Variants in MPDZ observed in about 807,000 individuals in gnomAD.
MPDZ encodes the protein multiple PDZ domain protein.
Under a neutral mutation model 239.1 loss-of-function variants are expected in MPDZ, and 234 were observed. The observed-to-expected ratio is 0.98, with a 90% confidence interval of 0.88 to 1.09. The LOEUF (loss-of-function observed/expected upper bound fraction) is 1.09, where lower values mean the gene tolerates loss of function less well. MPDZ is among the 50% of genes least tolerant of loss of function. The pLI is 0.00. For synonymous variants in MPDZ, 1,048 were observed against 881.3 expected (o/e 1.19, Z -3.35); for missense variants, 3,175 against 2,510.0 (o/e 1.26, Z -5.66).
At chr9:13,226,610 G>A (rs924857578) in intron 3 of MPDZ, among the ~76,000 whole-genome samples, 5 of 152,004 alleles carry the variant, frequency 3.3e-5, no homozygotes, top group East Asian at 1.9e-4. Context: ...GTCCTCCTTC[G>A]CATTCCTATC....
intron 19 of MPDZ, 142 bp downstream of exon 19, chr9:13,183,276 A>G: frequency 1.6e-6 from 1 of 621,022 alleles, no homozygotes; most frequent in Non-Finnish European, 2.6e-6. Context: ...ATGAAATTGT[A>G]CTTTAATCCA....
In MPDZ at chr9:13,106,879, CA is replaced by C. The variant is rs1432006337; in HGVS notation, c.*85del. 6.9e-7 allele frequency: 1 copy of C among 1,454,878 alleles called. No homozygotes were observed. The highest frequency in any genetic ancestry group is 1.4e-5 in the African/African-American group (1 of 72,372). The allele number at this position is 1,454,878 out of a possible 1,614,324, so 90.1% of individuals were successfully genotyped here. ...ACAGTTTTGAAGACCCGGCTGAACA[CA>C]GCATAAAAATTGTCAGGACCAGTGC... On this transcript the variant is annotated 3_prime_UTR_variant, in exon 47 of 47. Transcript: ENST00000319217.
intron 26 of MPDZ, among the ~76,000 whole-genome samples, chr9:13,145,522 A>G (rs183609110): frequency 3.3e-5 from 5 of 152,182 alleles, no homozygotes; most frequent in Admixed American, 3.3e-4. Flanking sequence ...TACCAGTAAG[A>G]GACTTTTAAG....
At chr9:13,253,223 G>T (rs1347883161) in intron 1 of MPDZ, among the ~76,000 whole-genome samples, 1 of 16,274 alleles carries the variant, frequency 6.1e-5, no homozygotes, top group Non-Finnish European at 1.5e-4. Flanking sequence ...ATACACAAAG[G>T]TTAAAAAAAA....
In MPDZ at chr9:13,205,116, T is replaced by C. The variant is rs1384504652; in HGVS notation, c.1475-9A>G. ...ATCTTTTTCATAATTTTCTTAAAGA[T>C]AAAAATATTTTAGTAATTTTATCTT... On this transcript the variant is annotated splice_polypyrimidine_tract_variant and intron_variant, in intron 11 of 46. Transcript: ENST00000319217. 3 of 1,348,460 alleles carry C rather than the reference T, an allele frequency of 2.2e-6. No individual in the cohort carries two copies. The highest frequency in any genetic ancestry group is 3.0e-6 in the Non-Finnish European group (3 of 1,015,688). 83.5% of individuals were successfully genotyped at this position (1,348,460 alleles called of 1,614,324 possible).
At chr9:13,132,511 G>A (rs1285694468) in intron 32 of MPDZ, among the ~76,000 whole-genome samples, 2 of 152,140 alleles carry the variant, frequency 1.3e-5, no homozygotes, top group Admixed American at 1.3e-4. Flanking sequence ...TAATCAGGTA[G>A]CCTAATGTGG....
rs1158103456 is a variant in MPDZ, at chr9:13,126,628, A to G, written c.4558-38T>C. The G allele has an allele frequency of 4.3e-6, 7 of 1,610,948 alleles. No homozygotes were observed. The Admixed American group carries it at 6.7e-5, about 15-fold the overall frequency. Reference sequence around the variant, plus strand: ...GTAGAAGAATTTGAGTGATATTCCAAAAGTAATTCCCTCCCCAACTACTTA... The same window carrying G: ...GTAGAAGAATTTGAGTGATATTCCAGAAGTAATTCCCTCCCCAACTACTTA... On this transcript the variant is annotated intron_variant, in intron 33 of 46. Coordinates refer to ENST00000319217, the MANE Select transcript of MPDZ (RefSeq NM_001378778.1).
At chr9:13,195,149 G>A (rs936886082) in intron 13 of MPDZ, among the ~76,000 whole-genome samples, 2 of 152,028 alleles carry the variant, frequency 1.3e-5, no homozygotes, top group Admixed American at 1.3e-4. Flanking sequence ...TCAGTTGGGC[G>A]TGGTGCTGCA....
At position 13,139,986 on chromosome 9, in the gene MPDZ, C is replaced by T. The variant is rs767038098; in HGVS notation, c.4003+1G>A. On this transcript the variant is annotated splice_donor_variant, in intron 28 of 46. Coordinates refer to ENST00000319217, the MANE Select transcript of MPDZ (RefSeq NM_001378778.1). LOFTEE classifies it high-confidence loss of function. ...AAATGCATCACAAAAACACAACTTACTCCAGCTGTAACCAAACTCATCCTC... is the reference window on the plus strand; with the variant it reads ...AAATGCATCACAAAAACACAACTTATTCCAGCTGTAACCAAACTCATCCTC... 5.6e-6 allele frequency: 9 copies of T among 1,613,300 alleles called. No homozygotes were observed. Among genetic ancestry groups the T allele is most frequent in the Non-Finnish European group, 7.6e-6 (9 of 1,179,570 alleles).
At position 13,196,106 on chromosome 9, in the gene MPDZ, G is replaced by C. The variant is rs112500460; in HGVS notation, c.1656+15C>G. On this transcript the variant is annotated intron_variant, in intron 13 of 46. Transcript: ENST00000319217. Reference sequence around the variant, plus strand: ...AGTTACAAGTTAGAAAATTACAGAAGGTCAGCTAACCTACCACTATTTCAT... The same window carrying C: ...AGTTACAAGTTAGAAAATTACAGAACGTCAGCTAACCTACCACTATTTCAT... 1.3e-3 allele frequency: 1,953 copies of C among 1,527,236 alleles called. 21 individuals carry two copies. In the African/African-American group the frequency reaches 0.024, roughly 18 times the overall value. The allele number at this position is 1,527,236 out of a possible 1,614,324, so 94.6% of individuals were successfully genotyped here. A position where few individuals can be genotyped will look rare whatever the true frequency, so the allele number is the denominator to read the frequency against.
intron 3 of MPDZ, among the ~76,000 whole-genome samples, chr9:13,236,002 A>G (rs1476746841): frequency 1.3e-5 from 2 of 151,932 alleles, no homozygotes; most frequent in African/African-American, 4.8e-5. Context: ...TATAGACTTT[A>G]GCTTTTATAC....
At chr9:13,262,955 G>A (rs560422711) in intron 1 of MPDZ, among the ~76,000 whole-genome samples, 1 of 152,264 alleles carries the variant, frequency 6.6e-6, no homozygotes, top group South Asian at 2.1e-4. Flanking sequence ...AATGACAGCA[G>A]TTAGGAGTGG....
intron 30 of MPDZ, 138 bp from the exon 31 acceptor site, chr9:13,136,320 GTTTTC>G (rs1375668856): frequency 2.1e-4 from 41 of 194,610 alleles, no homozygotes; most frequent in Admixed American, 7.2e-4. Context: ...ATTTACAAAC[GTTTTC>G]TTTTTTTTTT....
intron 3 of MPDZ, among the ~76,000 whole-genome samples, chr9:13,237,625 C>A (rs1964407050): frequency 6.6e-6 from 1 of 151,390 alleles, no homozygotes. Flanking sequence ...ATTATATAGA[C>A]TTGAGTATAG....
intron 5 of MPDZ, among the ~76,000 whole-genome samples, chr9:13,222,790 C>T (rs1289801614): frequency 6.6e-6 from 1 of 151,852 alleles, no homozygotes; most frequent in Non-Finnish European, 1.5e-5. Context: ...GGTTCCACAT[C>T]CATAGATTAG....
chr9:13,236,779 ATTG>A (rs1308142482), intron 3 of MPDZ, among the ~76,000 whole-genome samples: 1 of 152,064 alleles, frequency 6.6e-6, no homozygotes, highest in Non-Finnish European at 1.5e-5. Flanking sequence ...TCTTTTCATT[ATTG>A]TTATCAAAAA....
Position 13,224,370 on chromosome 9 carries a change from T to C in MPDZ, c.393+4A>G, listed in dbSNP as rs1409964616. On this transcript the variant is annotated splice_donor_region_variant and intron_variant, in intron 4 of 46. Transcript: ENST00000319217. ...CAATAACTAACAGAAAGAAATGTTC[T>C]TACCTGGGCCATATTTTTGATAAGC... 1 of 1,607,942 alleles carries C rather than the reference T, an allele frequency of 6.2e-7. No homozygotes were observed. Among genetic ancestry groups the C allele is most frequent in the East Asian group, 2.2e-5 (1 of 44,770 alleles).
rs184657784 is a variant in MPDZ, at chr9:13,192,425, T to A, written c.1804-130A>T. 476 of 733,988 alleles carry A rather than the reference T, an allele frequency of 6.5e-4. 2 individuals carry two copies. In the African/African-American group the frequency reaches 7.5e-3, roughly 12 times the overall value. The allele number at this position is 733,988 out of a possible 1,614,324, so 45.5% of individuals were successfully genotyped here. On this transcript the variant is annotated intron_variant, in intron 14 of 46. Coordinates refer to ENST00000319217, the MANE Select transcript of MPDZ (RefSeq NM_001378778.1). ...CAGTTTACTGTGCTCAGAACTATAG[T>A]GAGACCTGTGGAAATACTATCTAAA...
intron 12 of MPDZ, among the ~76,000 whole-genome samples, chr9:13,199,051 C>T (rs1956064592): frequency 6.6e-6 from 1 of 150,796 alleles, no homozygotes; most frequent in Admixed American, 6.6e-5. Flanking sequence ...GTGAAGAATG[C>T]CATTGGTATA....
Sources: allele counts gnomAD v4.1 joint callset (sites outside exome capture counted in the v4.1 genomes callset), GRCh38; gene constraint gnomAD v4.1.1; transcripts MANE v1.5; gene names NCBI Gene and HGNC (gene_info 2026-07-23, HGNC 2026-07-21).